The following ZNF362 variants were observed in gnomAD, a reference collection of about 807,000 sequenced individuals.
ZNF362 encodes rotund homolog.
A neutral mutation model predicts 42.9 loss-of-function variants in ZNF362; 11 were observed. The ratio of observed to expected loss-of-function variants is 0.26; its 90% CI spans 0.16 to 0.42. ZNF362 has a LOEUF of 0.42. ZNF362 is among the 20% of genes least tolerant of loss of function. The pLI is 1.00. For missense variants in ZNF362, 362 were observed against 576.2 expected (o/e 0.63, Z 3.81); for synonymous variants, 255 against 257.3 (o/e 0.99, Z 0.09).
chr1:33,229,281 T>A, the ZNF362 span, among the ~76,000 whole-genome samples: 1 of 152,158 alleles, frequency 6.6e-6, no homozygotes, highest in South Asian at 2.1e-4. Flanking sequence ...TATGCAACCC[T>A]GGCTCCTGGA....
At chr1:33,225,145 C>T in the ZNF362 span, among the ~76,000 whole-genome samples, 2 of 152,140 alleles carry the variant, frequency 1.3e-5, no homozygotes, top group African/African-American at 2.4e-5. Context: ...CTGGCTGTTT[C>T]CTCTACTTGA....
chr1:33,177,663 A>G, the ZNF362 span, among the ~76,000 whole-genome samples: 24 of 152,264 alleles, frequency 1.6e-4, no homozygotes, highest in Non-Finnish European at 3.2e-4. This position sits in a 1 kb window ranked among gnomAD's most constrained non-coding sequence, Gnocchi z 4.1. Flanking sequence ...GATTGTCACA[A>G]CTTGCGGGGT....
At chr1:33,249,173 G>T in the ZNF362 span, among the ~76,000 whole-genome samples, 1 of 152,318 alleles carries the variant, frequency 6.6e-6, no homozygotes, top group Middle Eastern at 3.4e-3. Context: ...CCACATGGTG[G>T]GTGAGGAGGA....
At chr1:33,130,857 G>T in the ZNF362 span, among the ~76,000 whole-genome samples, 5 of 152,212 alleles carry the variant, frequency 3.3e-5, no homozygotes, top group African/African-American at 1.2e-4. Flanking sequence ...GGCTGTGCAG[G>T]TGAAGAGCAG....
At chr1:33,211,449 C>G in the ZNF362 span, among the ~76,000 whole-genome samples, 1 of 152,210 alleles carries the variant, frequency 6.6e-6, no homozygotes, top group Non-Finnish European at 1.5e-5. Flanking sequence ...CAAAATCTCT[C>G]AGCATTTGGT....
Position 33,276,176 on chromosome 1 carries a change from T to C in ZNF362, c.102+13T>C. Reference sequence around the variant, plus strand: ...CATGCCCAGCCAGGTAAGACTGACGTCGCCCCTCCGGCTGCCCTACCCTCC... The same window carrying C: ...CATGCCCAGCCAGGTAAGACTGACGCCGCCCCTCCGGCTGCCCTACCCTCC... On this transcript the variant is annotated intron_variant, in intron 3 of 8. Transcript: ENST00000539719. 1 of 1,612,958 alleles carries C rather than the reference T, an allele frequency of 6.2e-7. No individual in the cohort carries two copies. Among genetic ancestry groups the C allele is most frequent in the South Asian group, 1.1e-5 (1 of 91,066 alleles).
chr1:33,146,808 T>G, the ZNF362 span: 1 of 295,784 alleles, frequency 3.4e-6, no homozygotes. Flanking sequence ...GGCTGCCAAC[T>G]ACTGGCCATG....
At chr1:33,160,481 T>G in the ZNF362 span, among the ~76,000 whole-genome samples, 1 of 152,152 alleles carries the variant, frequency 6.6e-6, no homozygotes, top group South Asian at 2.1e-4. Context: ...CTCGGATCAT[T>G]GCAACCTCCA....
At chr1:33,256,229 TGGGGGCCCCAGCGCGCGGCCCG>T (rs1197112282), upstream of ZNF362, among the ~76,000 whole-genome samples, 1 of 130,092 alleles carries the variant, frequency 7.7e-6, no homozygotes, top group Non-Finnish European at 1.6e-5. Context: ...GGGGCCCGAG[TGGGGGCCCCAGCGCGCGGCCCG>T]CCCCCGCCCC....
intron 8 of ZNF362, among the ~76,000 whole-genome samples, chr1:33,295,628 T>C (rs1646117632): frequency 6.6e-6 from 1 of 152,106 alleles, no homozygotes; most frequent in South Asian, 2.1e-4. Flanking sequence ...AGCGCCTTCC[T>C]GTCACCCAGG....
chr1:33,277,687 A>T (rs1055673312), intron 4 of ZNF362, among the ~76,000 whole-genome samples: 8 of 152,110 alleles, frequency 5.3e-5, no homozygotes, highest in African/African-American at 1.9e-4. Context: ...AGAGGACAGG[A>T]TGTAGGAGCA....
chr1:33,147,551 A>C, the ZNF362 span: 1 of 1,614,074 alleles, frequency 6.2e-7, no homozygotes, highest in Admixed American at 1.7e-5. This position sits in a 1 kb window ranked among gnomAD's most constrained non-coding sequence, Gnocchi z 8.1. Context: ...ACCTCCCAGT[A>C]GTGGACGCCA....
At chr1:33,236,894 A>C in the ZNF362 span, among the ~76,000 whole-genome samples, 96 of 152,086 alleles carry the variant, frequency 6.3e-4, no homozygotes, top group Middle Eastern at 3.4e-3. Flanking sequence ...AACATGATGA[A>C]ACCCTGTCTC....
the ZNF362 span, among the ~76,000 whole-genome samples, chr1:33,193,412 A>G: frequency 6.6e-6 from 1 of 152,346 alleles, no homozygotes; most frequent in Middle Eastern, 3.4e-3. Flanking sequence ...AATGCAGGGC[A>G]CACAGGACTT....
chr1:33,295,284 G>T lies in ZNF362; in HGVS notation c.1125G>T (p.Met375Ile). The change falls in exon 8 of 9, where the codon ATG becomes ATT. Residue 375 changes from methionine (M) to isoleucine (I), a missense_variant. Physicochemically the swap from Met to Ile is conservative, Grantham distance 10. This residue lies in a region of ZNF362 where 68 missense variants were observed against 107.4 expected (regional missense o/e 0.63). Coordinates refer to ENST00000539719, the MANE Select transcript of ZNF362 (RefSeq NM_152493.3). ...ACGCCAAGGCCTACTGCTGCAGCATGTGTGGGCGGGCCTACACCTCGGTGA... is the reference window on the plus strand; with the variant it reads ...ACGCCAAGGCCTACTGCTGCAGCATTTGTGGGCGGGCCTACACCTCGGTGA... ...IKHAKAYCCS[M>I]CGRAYTSETY... is the part of the protein sequence containing the mutation. The T allele has an allele frequency of 6.2e-7, 1 of 1,614,178 alleles. No individual in the cohort carries two copies. The highest frequency in any genetic ancestry group is 8.5e-7 in the Non-Finnish European group (1 of 1,180,034).
At chr1:33,164,697 A>G in the ZNF362 span, 1 of 152,252 alleles carries the variant, frequency 6.6e-6, no homozygotes, top group Non-Finnish European at 1.5e-5. Context: ...GGGAGATGAT[A>G]CCAGGGCTGG....
At chr1:33,226,225 C>T in the ZNF362 span, among the ~76,000 whole-genome samples, 1 of 152,208 alleles carries the variant, frequency 6.6e-6, no homozygotes, top group East Asian at 1.9e-4. Flanking sequence ...CTCACCTGTC[C>T]AGGAATATTT....
the ZNF362 span, among the ~76,000 whole-genome samples, chr1:33,243,907 T>G: frequency 1.3e-5 from 2 of 152,126 alleles, no homozygotes; most frequent in Non-Finnish European, 2.9e-5. Context: ...CTACTGTGCC[T>G]GGCCGACTTT....
At chr1:33,255,679 C>T (rs571426274), upstream of ZNF362, among the ~76,000 whole-genome samples, 38 of 152,252 alleles carry the variant, frequency 2.5e-4, no homozygotes, top group African/African-American at 8.7e-4. Context: ...CTGCCAGCTT[C>T]GGGCCGCCCC....
Sources: gnomAD v4.1 joint callset for allele counts (sites outside exome capture counted in the v4.1 genomes callset) on GRCh38, gnomAD v4.1.1 for gene constraint, gnomAD v4.1.1 regional missense constraint, Gnocchi (gnomAD v3.1) non-coding constraint, MANE v1.5 for transcripts, NCBI Gene and HGNC (gene_info 2026-07-23, HGNC 2026-07-21) for gene names.